Variants in SCAPER observed in about 807,000 individuals in gnomAD.
The protein encoded by SCAPER is S phase cyclin A-associated protein in the endoplasmic reticulum.
In SCAPER, 98 loss-of-function variants were observed where a neutral mutation model predicts 182.2. The observed-to-expected ratio is 0.54, with a 90% CI of 0.46 to 0.64. The LOEUF is 0.64. SCAPER is among the 30% of genes least tolerant of loss of function. SCAPER has a pLI of 0.00. For synonymous variants in SCAPER, 605 were observed against 564.6 expected, an observed-to-expected ratio of 1.07 and a Z score of -1.01; for missense variants, 1,432 against 1,690.0, an observed-to-expected ratio of 0.85 and a Z score of 2.68.
intron 23 of SCAPER, among the ~76,000 whole-genome samples, chr15:76,541,596 C>T (rs1310901726): frequency 1.3e-5 from 2 of 152,156 alleles, no homozygotes; most frequent in Admixed American, 6.6e-5. Flanking sequence ...AGAATTACTG[C>T]CCACTTCTAT....
chr15:76,799,852 C>A (rs1255192759), intron 7 of SCAPER, among the ~76,000 whole-genome samples: 1 of 152,080 alleles, frequency 6.6e-6, no homozygotes, highest in African/African-American at 2.4e-5. Context: ...AAACTCCATT[C>A]CCCTGGTTAG....
At chr15:76,374,482 AG>A (rs1325762270) in intron 29 of SCAPER, among the ~76,000 whole-genome samples, 1 of 147,550 alleles carries the variant, frequency 6.8e-6, no homozygotes, top group Admixed American at 6.7e-5. Context: ...TTGGCTGAGT[AG>A]GGGGCTTTTT....
chr15:76,733,212 G>A lies in SCAPER; in HGVS notation c.2022+17C>T. On this transcript the variant is annotated intron_variant, in intron 16 of 31. Transcript: ENST00000563290. ...GACAGGTGCTCAAGCAATGTTTGCTGAATAAAAAAATCCTACCTGCACAGC... is the reference window on the plus strand; with the variant it reads ...GACAGGTGCTCAAGCAATGTTTGCTAAATAAAAAAATCCTACCTGCACAGC... The A allele has an allele frequency of 6.4e-7, 1 of 1,552,816 alleles. No homozygotes were observed. The highest frequency in any genetic ancestry group is 1.2e-5 in the South Asian group (1 of 84,068).
chr15:76,850,589 T>C (rs1194029481), intron 4 of SCAPER, among the ~76,000 whole-genome samples: 1 of 152,038 alleles, frequency 6.6e-6, no homozygotes, highest in Non-Finnish European at 1.5e-5. Context: ...GAATTCAGAA[T>C]ATGAATAGGG....
At chr15:76,390,625 G>A (rs1048749925) in intron 27 of SCAPER, among the ~76,000 whole-genome samples, 1 of 152,146 alleles carries the variant, frequency 6.6e-6, no homozygotes, top group Non-Finnish European at 1.5e-5. Flanking sequence ...CTGCAGGCTG[G>A]GGCTGTTGTC....
chr15:76,527,609 A>G (rs2043304648), intron 23 of SCAPER, among the ~76,000 whole-genome samples: 1 of 152,194 alleles, frequency 6.6e-6, no homozygotes, highest in South Asian at 2.1e-4. Flanking sequence ...GAAAAGACCC[A>G]AGCTCTGACT....
In SCAPER at chr15:76,471,272, A is replaced by G. The variant is rs1324098162; in HGVS notation, c.3018T>C (p.Ser1006=). The change falls in exon 25 of 32, where the codon AGT becomes AGC. Residue 1006 remains serine (S), a synonymous_variant. Coordinates refer to ENST00000563290, the MANE Select transcript of SCAPER (RefSeq NM_020843.4). ...TAATCTTGTTACTAAACAGAACATC[A>G]CTGCAGTTTTCTGAACAGTTATTGC... is the stretch of plus-strand genomic sequence containing the variant. ...LTCNNCSENC[S]DVLFSNKITF... is the part of the protein sequence containing the mutation. 4 of 1,612,592 alleles carry G rather than the reference A, an allele frequency of 2.5e-6. No individual in the cohort carries two copies. The highest frequency in any genetic ancestry group is 3.4e-6 in the Non-Finnish European group (4 of 1,179,124).
At position 76,404,683 on chromosome 15, in the gene SCAPER, G is replaced by A; in HGVS notation, c.3312-4C>T. 3 of 1,608,022 alleles carry A rather than the reference G, an allele frequency of 1.9e-6. No individual in the cohort carries two copies. Among genetic ancestry groups the A allele is most frequent in the Non-Finnish European group, 2.5e-6 (3 of 1,177,356 alleles). ...CAGACCCATGTTCACCACGTAGCTA[G>A]ATATGGGGGAGAAATGCATGTTATC... is the stretch of plus-strand genomic sequence containing the variant. On this transcript the variant is annotated splice_region_variant and splice_polypyrimidine_tract_variant and intron_variant, in intron 26 of 31. Coordinates refer to ENST00000563290, the MANE Select transcript of SCAPER (RefSeq NM_020843.4).
chr15:76,405,582 A>C (rs1567072394), intron 26 of SCAPER, among the ~76,000 whole-genome samples: 2 of 152,226 alleles, frequency 1.3e-5, no homozygotes, highest in African/African-American at 4.8e-5. Context: ...TCAGTACAAA[A>C]CAGTTTTCTA....
chr15:76,888,637 A>T (rs1430520115), intron 1 of SCAPER, among the ~76,000 whole-genome samples: 1 of 152,196 alleles, frequency 6.6e-6, no homozygotes, highest in Non-Finnish European at 1.5e-5. Flanking sequence ...AAAAAAGAGT[A>T]AAAAGAAATG....
In SCAPER at chr15:76,699,777, G is replaced by A. The variant is rs531805337; in HGVS notation, c.2508+1981C>T. Reference sequence around the variant, plus strand: ...GGCAAAATCACTTCATCAACATGGTGGTATCAGGTTCAAGTGCACAGGCTA... The same window carrying A: ...GGCAAAATCACTTCATCAACATGGTAGTATCAGGTTCAAGTGCACAGGCTA... On this transcript the variant is annotated intron_variant, in intron 20 of 31. Transcript: ENST00000563290. 3.6e-4 allele frequency among the ~76,000 whole-genome samples: 55 copies of A among 152,322 alleles called. 1 individual carries two copies. Among genetic ancestry groups the A allele is most frequent in the African/African-American group, 1.2e-3 (50 of 41,580 alleles).
intron 22 of SCAPER, among the ~76,000 whole-genome samples, chr15:76,577,161 CTG>C (rs1366998047): frequency 6.6e-6 from 1 of 151,980 alleles, no homozygotes; most frequent in Non-Finnish European, 1.5e-5. Context: ...AAAGAGGACT[CTG>C]TGCCAGGCAC....
At chr15:76,484,908 A>AAGT (rs2051474980) in intron 24 of SCAPER, among the ~76,000 whole-genome samples, 1 of 151,718 alleles carries the variant, frequency 6.6e-6, no homozygotes, top group Non-Finnish European at 1.5e-5. Flanking sequence ...ACATACCCCA[A>AAGT]AATAATAAGA....
chr15:76,584,351 C>T (rs539849921), intron 22 of SCAPER, among the ~76,000 whole-genome samples: 1 of 152,044 alleles, frequency 6.6e-6, no homozygotes, highest in Non-Finnish European at 1.5e-5. Context: ...GCATTTGATA[C>T]CATAACAGAA....
At chr15:76,424,222 A>C (rs916897764) in intron 26 of SCAPER, among the ~76,000 whole-genome samples, 1 of 152,170 alleles carries the variant, frequency 6.6e-6, no homozygotes, top group Non-Finnish European at 1.5e-5. Context: ...GTGGGATGTT[A>C]AAGTCTCCCA....
intron 25 of SCAPER, among the ~76,000 whole-genome samples, chr15:76,441,791 G>A (rs903830118): frequency 2.6e-5 from 4 of 152,020 alleles, no homozygotes; most frequent in African/African-American, 9.7e-5. Context: ...CAGTGCAATA[G>A]TTACCTCCTG....
chr15:76,717,016 T>TC (rs1567899866), intron 17 of SCAPER, among the ~76,000 whole-genome samples: 1 of 151,948 alleles, frequency 6.6e-6, no homozygotes, highest in African/African-American at 2.4e-5. Context: ...TGAAATAGTT[T>TC]TAAAAACAGC....
intron 23 of SCAPER, among the ~76,000 whole-genome samples, chr15:76,539,405 T>C (rs1178940342): frequency 6.6e-6 from 1 of 152,230 alleles, no homozygotes; most frequent in Non-Finnish European, 1.5e-5. Context: ...TAAAATGTTT[T>C]AAGTTAAAAC....
chr15:76,457,139 C>T (rs902507244), intron 25 of SCAPER, among the ~76,000 whole-genome samples: 5 of 151,828 alleles, frequency 3.3e-5, no homozygotes, highest in South Asian at 2.1e-4. Context: ...CTTGGCTCGC[C>T]GCAACCTCCG....
Sources: gnomAD v4.1 joint callset for allele counts (sites outside exome capture counted in the v4.1 genomes callset) on GRCh38, gnomAD v4.1.1 for gene constraint, MANE v1.5 for transcripts, NCBI Gene and HGNC (gene_info 2026-07-23, HGNC 2026-07-21) for gene names.